The following ACYP2 variants were observed in gnomAD, a reference collection of about 807,000 sequenced individuals.
ACYP2 encodes acylphosphatase-2.
ACYP2 carries 12 observed loss-of-function variants against 11.2 expected under a neutral mutation model. The observed-to-expected ratio is 1.08, with a 90% confidence interval of 0.69 to 1.74. The LOEUF (loss-of-function observed/expected upper bound fraction) is 1.74, where lower values mean the gene tolerates loss of function less well. Ranked by LOEUF, ACYP2 falls within the 40% of genes most tolerant of loss-of-function variation. The pLI is 0.00. For synonymous variants in ACYP2, 43 were observed against 32.2 expected (o/e 1.33, Z -1.13); for missense variants, 134 against 101.9 (o/e 1.31, Z -1.35).
intron 6 of ACYP2, among the ~76,000 whole-genome samples, chr2:54,185,039 G>T (rs1349847460): frequency 6.6e-6 from 1 of 151,916 alleles, no homozygotes; most frequent in African/African-American, 2.4e-5. Flanking sequence ...TAGAGACGGG[G>T]TTTCACCATC....
chr2:54,200,458 T>C (rs1028284563), intron 6 of ACYP2, among the ~76,000 whole-genome samples: 9 of 152,208 alleles, frequency 5.9e-5, no homozygotes, highest in Non-Finnish European at 1.3e-4. Context: ...ACTAATCTAC[T>C]GTCTGTCTCC....
chr2:54,062,226 G>T (rs1344413047), intron 4 of ACYP2, among the ~76,000 whole-genome samples: 2 of 152,240 alleles, frequency 1.3e-5, no homozygotes, highest in East Asian at 3.9e-4. Flanking sequence ...TCTGGACCTG[G>T]GGTAGAGCTT....
rs1349881837 is a variant in ACYP2, at chr2:54,150,102, A to G, written c.404+11354A>G. ...TCAATACCTAGGAGTAGTCTAGATCAGGGATTGGCAACCCACGGCCTGTTT... is the reference window on the plus strand; with the variant it reads ...TCAATACCTAGGAGTAGTCTAGATCGGGGATTGGCAACCCACGGCCTGTTT... On this transcript the variant is annotated intron_variant, in intron 6 of 6. Coordinates refer to ENST00000607452, the MANE Select transcript of ACYP2 (RefSeq NM_001320586.2). Among the ~76,000 whole-genome samples, 2 of 152,242 alleles carry G rather than the reference A, an allele frequency of 1.3e-5. 1 individual carries two copies. The highest frequency in any genetic ancestry group is 1.3e-4 in the Admixed American group (2 of 15,282).
chr2:54,134,816 T>C (rs182691169), intron 4 of ACYP2, among the ~76,000 whole-genome samples: 1 of 152,356 alleles, frequency 6.6e-6, no homozygotes, highest in Non-Finnish European at 1.5e-5. Flanking sequence ...GTGGATAGTG[T>C]AGAACCCTCG....
chr2:54,229,775 A>C (rs1055927278), intron 6 of ACYP2, among the ~76,000 whole-genome samples: 3 of 152,206 alleles, frequency 2.0e-5, no homozygotes, highest in African/African-American at 7.2e-5. Context: ...TCCCCCAAAC[A>C]GTTTTTTAAG....
In ACYP2 at chr2:54,180,958, A is replaced by G. The variant is rs548267227; in HGVS notation, c.404+42210A>G. Among the ~76,000 whole-genome samples the G allele has an allele frequency of 3.3e-5, 5 of 152,282 alleles. No homozygotes were observed. In the East Asian group the frequency reaches 7.7e-4, roughly 23 times the overall value. On this transcript the variant is annotated intron_variant, in intron 6 of 6. Transcript: ENST00000607452. ...AGGACCCACCTCCAGATACTCTCAC[A>G]TTGGGCATTGGATTTCAAGATAGGA...
chr2:54,168,179 C>G (rs1234159819), intron 6 of ACYP2, among the ~76,000 whole-genome samples: 1 of 152,176 alleles, frequency 6.6e-6, no homozygotes, highest in Non-Finnish European at 1.5e-5. Flanking sequence ...AATCCCAGCA[C>G]TTTGGTAGGT....
chr2:54,054,362 T>C (rs1020356929), intron 3 of ACYP2, among the ~76,000 whole-genome samples: 1 of 152,262 alleles, frequency 6.6e-6, no homozygotes, highest in African/African-American at 2.4e-5. Flanking sequence ...CTTCTTTCTC[T>C]TTCTTGCCAA....
chr2:54,078,067 C>T (rs1369026568), intron 4 of ACYP2, among the ~76,000 whole-genome samples: 1 of 151,546 alleles, frequency 6.6e-6, no homozygotes, highest in Non-Finnish European at 1.5e-5. Context: ...CCTCCCAGGC[C>T]TCCTGAATAG....
chr2:53,987,622 G>A (rs867232249), intron 2 of ACYP2, among the ~76,000 whole-genome samples: 1 of 152,106 alleles, frequency 6.6e-6, no homozygotes, highest in East Asian at 1.9e-4. Flanking sequence ...AGAGCAATCC[G>A]GTTTCTCTGC....
At chr2:54,224,448 C>T (rs1009454049) in intron 6 of ACYP2, among the ~76,000 whole-genome samples, 2 of 152,172 alleles carry the variant, frequency 1.3e-5, no homozygotes, top group Non-Finnish European at 2.9e-5. Flanking sequence ...CTTCTATGGA[C>T]TCAGAATGGG....
chr2:54,021,174 G>A (rs976302243), intron 2 of ACYP2, among the ~76,000 whole-genome samples: 5 of 152,162 alleles, frequency 3.3e-5, no homozygotes, highest in African/African-American at 1.2e-4. Context: ...CGGAGTGGTA[G>A]GGTGAGTAGT....
chr2:54,023,360 G>C (rs62140984), intron 2 of ACYP2, among the ~76,000 whole-genome samples: 12,306 of 152,162 alleles, frequency 0.081, 521 homozygotes, highest in East Asian at 0.12. Context: ...TCCCTATGTT[G>C]TCTAGCCTGG....
chr2:54,181,055 A>C (rs1307460195), intron 6 of ACYP2, among the ~76,000 whole-genome samples: 1 of 152,310 alleles, frequency 6.6e-6, no homozygotes. Context: ...TTAGTATTAC[A>C]AAAAGCACTT....
chr2:54,140,805 A>G (rs1049057901), intron 6 of ACYP2, among the ~76,000 whole-genome samples: 13 of 152,300 alleles, frequency 8.5e-5, no homozygotes, highest in African/African-American at 2.9e-4. Context: ...CAATGCTGCA[A>G]TAAAATTTTA....
chr2:53,973,908 T>TATATA (rs1491376422), intron 2 of ACYP2: 3 of 86,924 alleles, frequency 3.5e-5, no homozygotes, highest in Non-Finnish European at 7.0e-5. Context: ...TGTGTATATA[T>TATATA]TTTTTTTTTT....
At chr2:53,981,604 A>G (rs529600578) in intron 2 of ACYP2, among the ~76,000 whole-genome samples, 1 of 152,290 alleles carries the variant, frequency 6.6e-6, no homozygotes, top group Admixed American at 6.5e-5. Context: ...ACGCATAAAA[A>G]GGGGAGGGGG....
chr2:54,193,612 T>C (rs965814171), intron 6 of ACYP2, among the ~76,000 whole-genome samples: 3 of 152,240 alleles, frequency 2.0e-5, no homozygotes, highest in African/African-American at 7.2e-5. Context: ...TATTCTTGTT[T>C]TGCTCATAAG....
intron 6 of ACYP2, among the ~76,000 whole-genome samples, chr2:54,175,371 G>A (rs1572891188): frequency 6.6e-6 from 1 of 152,072 alleles, no homozygotes; most frequent in East Asian, 1.9e-4. Context: ...GGGATCGGTG[G>A]TGATATCCCC....
Sources: gnomAD v4.1 joint callset for allele counts (sites outside exome capture counted in the v4.1 genomes callset) on GRCh38, gnomAD v4.1.1 for gene constraint, MANE v1.5 for transcripts, NCBI Gene and HGNC (gene_info 2026-07-23, HGNC 2026-07-21) for gene names.